Variants in COL8A1 observed in about 807,000 individuals in gnomAD.
COL8A1 encodes collagen alpha-1(VIII) chain.
COL8A1 carries 21 observed loss-of-function variants against 42.7 expected under a neutral mutation model. The observed-to-expected ratio is 0.49, with a 90% CI of 0.35 to 0.71. COL8A1 has a LOEUF of 0.71. Among genes scored for constraint, COL8A1 ranks in the 30% least tolerant of loss-of-function variants. The pLI, the probability that COL8A1 is intolerant of heterozygous loss-of-function variation, is 0.01. For missense variants in COL8A1, 788 were observed against 962.4 expected (o/e 0.82, Z 2.40); for synonymous variants, 367 against 369.1 (o/e 0.99, Z 0.06).
chr3:99,746,481 G>A (rs1941028569), intron 2 of COL8A1, among the ~76,000 whole-genome samples: 1 of 152,102 alleles, frequency 6.6e-6, no homozygotes, highest in African/African-American at 2.4e-5. Context: ...TGGATTTCTT[G>A]TAACAAAATC....
intron 1 of COL8A1, among the ~76,000 whole-genome samples, chr3:99,682,371 T>C (rs1938911810): frequency 6.6e-6 from 1 of 152,122 alleles, no homozygotes; most frequent in Non-Finnish European, 1.5e-5. Context: ...TGAGCCAAGA[T>C]TGTGCCACTG....
At chr3:99,699,411 G>T (rs1030778131) in intron 1 of COL8A1, among the ~76,000 whole-genome samples, 22 of 152,178 alleles carry the variant, frequency 1.4e-4, no homozygotes, top group Non-Finnish European at 2.9e-4. Context: ...GACTAAATCT[G>T]TCCACCTTCC....
rs141789830 is a variant in COL8A1, at chr3:99,749,580, C to T, written c.-4+4559C>T. Among the ~76,000 whole-genome samples the T allele has an allele frequency of 4.3e-3, 651 of 152,168 alleles. 7 individuals are homozygous for T. The highest frequency in any genetic ancestry group is 0.015 in the African/African-American group (636 of 41,504). ...GCTTTTGAAAAATGCATACTTATGA[C>T]TAAATAGAAGGGGAGTCACTATTCA... On this transcript the variant is annotated intron_variant, in intron 2 of 3. Coordinates refer to ENST00000652472, the MANE Select transcript of COL8A1 (RefSeq NM_020351.4).
At chr3:99,735,933 T>C (rs931483221) in intron 1 of COL8A1, among the ~76,000 whole-genome samples, 38 of 152,188 alleles carry the variant, frequency 2.5e-4, no homozygotes, top group Admixed American at 2.3e-3. Context: ...TCTAGTTTAT[T>C]TGCATAGAGG....
At chr3:99,666,847 G>T (rs931353412) in intron 1 of COL8A1, among the ~76,000 whole-genome samples, 1 of 152,124 alleles carries the variant, frequency 6.6e-6, no homozygotes, top group Non-Finnish European at 1.5e-5. Context: ...CTACCAACAA[G>T]TTCTCAAACT....
Position 99,732,022 on chromosome 3 carries a change from G to T in COL8A1, c.-128-12875G>T, listed in dbSNP as rs560947913. ...AACACCAGAGCTGGAAGGGGCAGAA[G>T]AATTCTTTTCTAGAACCCTCAGAGG... On this transcript the variant is annotated intron_variant, in intron 1 of 3. Transcript: ENST00000652472. Among the ~76,000 whole-genome samples, 153 of 152,216 alleles carry T rather than the reference G, an allele frequency of 1.0e-3. 1 individual carries two copies. The highest frequency in any genetic ancestry group is 2.6e-3 in the Admixed American group (39 of 15,272).
At chr3:99,786,518 C>T (rs952534488) in intron 2 of COL8A1, among the ~76,000 whole-genome samples, 7 of 152,286 alleles carry the variant, frequency 4.6e-5, no homozygotes, top group African/African-American at 1.7e-4. Flanking sequence ...AACTTCCCAG[C>T]CTCATGAACA....
chr3:99,767,197 C>T (rs1941481190), intron 2 of COL8A1, among the ~76,000 whole-genome samples: 1 of 152,178 alleles, frequency 6.6e-6, no homozygotes, highest in Non-Finnish European at 1.5e-5. Context: ...TTTTACAATA[C>T]AACTTCATTC....
intron 1 of COL8A1, among the ~76,000 whole-genome samples, chr3:99,673,834 T>A (rs1938615128): frequency 6.6e-6 from 1 of 152,016 alleles, no homozygotes; most frequent in African/African-American, 2.4e-5. Context: ...ATTTTTAACC[T>A]CTGTGTACCT....
intron 2 of COL8A1, among the ~76,000 whole-genome samples, chr3:99,754,980 T>C (rs1269586604): frequency 6.6e-6 from 1 of 152,120 alleles, no homozygotes; most frequent in Non-Finnish European, 1.5e-5. Context: ...GAATAATGGG[T>C]AACAATTAAA....
chr3:99,652,995 G>A (rs551882571), intron 1 of COL8A1, among the ~76,000 whole-genome samples: 8 of 152,222 alleles, frequency 5.3e-5, no homozygotes, highest in African/African-American at 1.7e-4. Context: ...ACTGAACAAC[G>A]CAGCCATCCT....
chr3:99,671,384 G>GT (rs1213139174), intron 1 of COL8A1, among the ~76,000 whole-genome samples: 3 of 151,858 alleles, frequency 2.0e-5, no homozygotes, highest in Admixed American at 2.0e-4. Context: ...TATATTTGTG[G>GT]TTTCCAACAT....
intron 1 of COL8A1, among the ~76,000 whole-genome samples, chr3:99,700,809 CATGT>C (rs1213211270): frequency 1.3e-5 from 2 of 152,110 alleles, no homozygotes; most frequent in Admixed American, 1.3e-4. Context: ...TGTGTGCATG[CATGT>C]GTTTGCATAC....
chr3:99,759,963 C>T (rs1053958310), intron 2 of COL8A1, among the ~76,000 whole-genome samples: 1 of 152,148 alleles, frequency 6.6e-6, no homozygotes. Context: ...TGGACAATCA[C>T]ATCACTCTCT....
At position 99,639,953 on chromosome 3, in the gene COL8A1, G is replaced by A. The variant is rs551286254; in HGVS notation, c.-129+1289G>A. 3.2e-4 allele frequency among the ~76,000 whole-genome samples: 48 copies of A among 152,206 alleles called. 1 individual carries two copies. The South Asian group carries it at 9.1e-3, about 29-fold the overall frequency. ...CTCATGTGGAAAGAAAAAACTCACC[G>A]AAGCTGTATGAAATTCTCCCCTATT... On this transcript the variant is annotated intron_variant, in intron 1 of 3. Coordinates refer to ENST00000652472, the MANE Select transcript of COL8A1 (RefSeq NM_020351.4).
At chr3:99,740,988 T>C (rs1940884491) in intron 1 of COL8A1, among the ~76,000 whole-genome samples, 2 of 152,176 alleles carry the variant, frequency 1.3e-5, no homozygotes, top group Non-Finnish European at 2.9e-5. Context: ...TAGTTCCTTA[T>C]CTGAATTCCT....
At chr3:99,665,910 C>A (rs1312048347) in intron 1 of COL8A1, among the ~76,000 whole-genome samples, 1 of 150,498 alleles carries the variant, frequency 6.6e-6, no homozygotes, top group Non-Finnish European at 1.5e-5. Flanking sequence ...AGGCTGGTCT[C>A]GAACTTCTAA....
intron 1 of COL8A1, among the ~76,000 whole-genome samples, chr3:99,725,859 G>A (rs571780146): frequency 2.0e-5 from 3 of 152,022 alleles, no homozygotes; most frequent in South Asian, 4.2e-4. Flanking sequence ...ATTGTGAATA[G>A]TGCCGCAATA....
At chr3:99,737,555 C>A (rs1317867582) in intron 1 of COL8A1, among the ~76,000 whole-genome samples, 2 of 151,950 alleles carry the variant, frequency 1.3e-5, no homozygotes, top group African/African-American at 2.4e-5. Context: ...AATATTGGCC[C>A]CCACTCTCTT....
Sources: allele counts gnomAD v4.1 joint callset (sites outside exome capture counted in the v4.1 genomes callset), GRCh38; gene constraint gnomAD v4.1.1; transcripts MANE v1.5; gene names NCBI Gene and HGNC (gene_info 2026-07-23, HGNC 2026-07-21).